Variants in TMEM108 observed in about 807,000 individuals in gnomAD.
The protein encoded by TMEM108 is cancer/testis antigen 124.
Under a neutral mutation model 35.1 loss-of-function variants are expected in TMEM108, and 12 were observed. The observed-to-expected ratio is 0.34, with a 90% confidence interval of 0.22 to 0.55. The LOEUF (loss-of-function observed/expected upper bound fraction) is 0.55. TMEM108 is among the 20% of genes least tolerant of loss of function. TMEM108 has a pLI of 0.89. For missense variants in TMEM108, 680 were observed against 753.3 expected, an observed-to-expected ratio of 0.90 and a Z score of 1.14; for synonymous variants, 287 against 308.6, an observed-to-expected ratio of 0.93 and a Z score of 0.73.
chr3:133,058,829 C>T (rs1417774631), intron 2 of TMEM108, among the ~76,000 whole-genome samples: 3 of 152,202 alleles, frequency 2.0e-5, no homozygotes, highest in African/African-American at 7.2e-5. Flanking sequence ...CTCTTGTATT[C>T]TTTGTGTTGC....
chr3:133,277,392 G>T (rs144674201), intron 3 of TMEM108, among the ~76,000 whole-genome samples: 1 of 152,152 alleles, frequency 6.6e-6, no homozygotes, highest in Non-Finnish European at 1.5e-5. Flanking sequence ...TCTGTAAAGA[G>T]TACAAAAGTT....
At chr3:133,350,370 G>A (rs1023714443) in intron 3 of TMEM108, among the ~76,000 whole-genome samples, 2 of 152,062 alleles carry the variant, frequency 1.3e-5, no homozygotes, top group African/African-American at 4.8e-5. Flanking sequence ...TTGAACAGTA[G>A]GGTGACTATG....
At chr3:133,223,604 A>G (rs929378060) in intron 2 of TMEM108, among the ~76,000 whole-genome samples, 3 of 152,220 alleles carry the variant, frequency 2.0e-5, no homozygotes, top group African/African-American at 7.2e-5. Flanking sequence ...TATGGTTGAA[A>G]GAGGCTTCTG....
rs1327898526 is a variant in TMEM108, at chr3:133,346,927, C to A, written c.41-32825C>A. Among the ~76,000 whole-genome samples the A allele has an allele frequency of 6.6e-6, 1 of 152,062 alleles. No individual in the cohort carries two copies. Among genetic ancestry groups the A allele is most frequent in the Non-Finnish European group, 1.5e-5 (1 of 67,972 alleles). On this transcript the variant is annotated intron_variant, in intron 3 of 5. Coordinates refer to ENST00000321871, the MANE Select transcript of TMEM108 (RefSeq NM_023943.4). This position sits in a 1 kb window ranked among gnomAD's most constrained non-coding sequence, Gnocchi z 4.0. Reference sequence around the variant, plus strand: ...TTTCTCCATTGAATTGCCTTAGCTCCTTTGTCAAAGATCAGTTGACTTTAT... The same window carrying A: ...TTTCTCCATTGAATTGCCTTAGCTCATTTGTCAAAGATCAGTTGACTTTAT...
At chr3:133,327,806 A>T (rs1409165950) in intron 3 of TMEM108, among the ~76,000 whole-genome samples, 2 of 152,078 alleles carry the variant, frequency 1.3e-5, no homozygotes, top group African/African-American at 4.8e-5. Flanking sequence ...GGACAAGCAA[A>T]GACAAAAGAA....
chr3:133,100,702 T>C (rs1368903201), intron 2 of TMEM108, among the ~76,000 whole-genome samples: 1 of 152,196 alleles, frequency 6.6e-6, no homozygotes, highest in Non-Finnish European at 1.5e-5. Context: ...GCATGAGGAC[T>C]TTGATTCCAC....
chr3:133,359,183 TC>T (rs1455398561), intron 3 of TMEM108, among the ~76,000 whole-genome samples: 1 of 152,210 alleles, frequency 6.6e-6, no homozygotes, highest in Non-Finnish European at 1.5e-5. Context: ...CTGAGAGTAT[TC>T]TACAGAATTC....
intron 3 of TMEM108, among the ~76,000 whole-genome samples, chr3:133,266,887 A>G (rs1946704476): frequency 6.9e-6 from 1 of 144,400 alleles, no homozygotes; most frequent in South Asian, 2.3e-4. Flanking sequence ...CCTGGCTAAC[A>G]CAGTGAAACC....
intron 3 of TMEM108, among the ~76,000 whole-genome samples, chr3:133,281,957 A>G (rs1377745504): frequency 6.6e-6 from 1 of 152,168 alleles, no homozygotes; most frequent in Non-Finnish European, 1.5e-5. Context: ...GGAGATCGAG[A>G]CCATCCTGGC....
intron 2 of TMEM108, among the ~76,000 whole-genome samples, chr3:133,157,689 C>A (rs551474493): frequency 5.3e-5 from 8 of 152,084 alleles, no homozygotes; most frequent in Admixed American, 2.0e-4. Context: ...TTGGAGGGTG[C>A]CTAAAACAGA....
chr3:133,231,985 G>A (rs1420193151), intron 3 of TMEM108, among the ~76,000 whole-genome samples: 1 of 152,104 alleles, frequency 6.6e-6, no homozygotes, highest in African/African-American at 2.4e-5. Flanking sequence ...TCTGACCCCT[G>A]CATATGTGCC....
chr3:133,324,744 A>G (rs1232561771), intron 3 of TMEM108, among the ~76,000 whole-genome samples: 1 of 152,082 alleles, frequency 6.6e-6, no homozygotes, highest in African/African-American at 2.4e-5. Flanking sequence ...TTGGGAGGCC[A>G]AGGTGGATGG....
intron 2 of TMEM108, among the ~76,000 whole-genome samples, chr3:133,225,134 C>T (rs556003890): frequency 6.7e-6 from 1 of 150,166 alleles, no homozygotes; most frequent in Non-Finnish European, 1.5e-5. Flanking sequence ...GCAATCTCCA[C>T]TTCCTGGGTT....
rs150343464 is a variant in TMEM108, at chr3:133,228,423, C to G, written c.-46-843C>G. Among the ~76,000 whole-genome samples, 1,395 of 152,102 alleles carry G rather than the reference C, an allele frequency of 9.2e-3. 19 individuals carry two copies. The highest frequency in any genetic ancestry group is 0.032 in the African/African-American group (1,326 of 41,498). ...GGTAGAGTGTAGTCTAATGATTATT[C>G]TAATATACTAGTATTGGTGAGGAGC... On this transcript the variant is annotated intron_variant, in intron 2 of 5. Transcript: ENST00000321871.
chr3:133,152,112 C>A (rs1265602314), intron 2 of TMEM108, among the ~76,000 whole-genome samples: 1 of 152,128 alleles, frequency 6.6e-6, no homozygotes, highest in East Asian at 1.9e-4. Flanking sequence ...TTCCAAAATG[C>A]CAGTAGAACA....
intron 2 of TMEM108, among the ~76,000 whole-genome samples, chr3:133,059,715 T>C (rs575253592): frequency 8.5e-5 from 13 of 152,234 alleles, no homozygotes; most frequent in Non-Finnish European, 1.6e-4. Flanking sequence ...CAGATTATTC[T>C]CTCTGTTACT....
intron 2 of TMEM108, among the ~76,000 whole-genome samples, chr3:133,190,443 T>C (rs1945482616): frequency 6.6e-6 from 1 of 152,222 alleles, no homozygotes; most frequent in Non-Finnish European, 1.5e-5. Flanking sequence ...TCCTGGATAT[T>C]GCCAGGCCCC....
At chr3:133,124,564 A>G (rs1250130770) in intron 2 of TMEM108, among the ~76,000 whole-genome samples, 2 of 152,172 alleles carry the variant, frequency 1.3e-5, no homozygotes, top group Non-Finnish European at 2.9e-5. Flanking sequence ...GCCAGTGTCC[A>G]GTGAGGCTGA....
At chr3:133,375,283 A>G (rs953308581) in intron 3 of TMEM108, among the ~76,000 whole-genome samples, 12 of 152,220 alleles carry the variant, frequency 7.9e-5, no homozygotes, top group Admixed American at 2.6e-4. Context: ...TCATGTATGC[A>G]TTGGAATTTT....
Sources: allele counts gnomAD v4.1 joint callset (sites outside exome capture counted in the v4.1 genomes callset), GRCh38; gene constraint gnomAD v4.1.1; non-coding constraint Gnocchi (gnomAD v3.1); transcripts MANE v1.5; gene names NCBI Gene and HGNC (gene_info 2026-07-23, HGNC 2026-07-21).